Variants in RACGAP1 observed in about 807,000 individuals in gnomAD.
RACGAP1 encodes the protein Rac GTPase activating protein 1.
In RACGAP1, 30 loss-of-function variants were observed where a neutral mutation model predicts 78.1. That is an observed-to-expected ratio of 0.38 (90% CI 0.29 to 0.52). The LOEUF (loss-of-function observed/expected upper bound fraction) is 0.52, where lower values mean the gene tolerates loss of function less well. Ranked by LOEUF, RACGAP1 falls within the 20% of genes least tolerant of loss-of-function variation. The pLI is 0.82. For missense variants in RACGAP1, 587 were observed against 777.1 expected, an observed-to-expected ratio of 0.76 and a Z score of 2.91; for synonymous variants, 231 against 264.8, an observed-to-expected ratio of 0.87 and a Z score of 1.24.
In RACGAP1 at chr12:50,000,099, C is replaced by T. The variant is rs370677273; in HGVS notation, c.631-366G>A. On this transcript the variant is annotated intron_variant, in intron 7 of 16. Coordinates refer to ENST00000312377, the MANE Select transcript of RACGAP1 (RefSeq NM_001319999.2). ...CCCAATATCGGCTGACTGCAAGCTC[C>T]ACCTCCCGGGTTCACGCCATTCTCC... Among the ~76,000 whole-genome samples, 674 of 146,488 alleles carry T rather than the reference C, an allele frequency of 4.6e-3. 52 individuals are homozygous for T. In the South Asian group the frequency reaches 0.14, roughly 30 times the overall value.
upstream of RACGAP1, among the ~76,000 whole-genome samples, chr12:50,027,599 G>A (rs972214945): frequency 5.3e-5 from 8 of 152,076 alleles, no homozygotes; most frequent in East Asian, 1.9e-4. Context: ...AAGCCGAGGC[G>A]GGTGGATCGT....
intron 12 of RACGAP1, among the ~76,000 whole-genome samples, chr12:49,993,486 C>T (rs561691184): frequency 6.6e-6 from 1 of 152,260 alleles, no homozygotes; most frequent in Non-Finnish European, 1.5e-5. Flanking sequence ...TAGGCAGGAG[C>T]TAATAAAAAG....
Position 49,992,342 on chromosome 12 carries a change from G to C in RACGAP1, c.1481C>G (p.Ala494Gly). The C allele has an allele frequency of 6.2e-7, 1 of 1,614,116 alleles. No homozygotes were observed. The highest frequency in any genetic ancestry group is 8.5e-7 in the Non-Finnish European group (1 of 1,179,996). The change falls in exon 14 of 17, where the codon GCC (alanine) becomes GGC (glycine). Residue 494 changes from alanine to glycine, a missense_variant. Physicochemically the swap from Ala to Gly is moderately conservative, Grantham distance 60. Coordinates refer to ENST00000312377, the MANE Select transcript of RACGAP1 (RefSeq NM_001319999.2). ...AGGGCCAAAGACTTTAGCCAGATTGGCAACATCCATTTTAGTATGTGGACT... is the reference window on the plus strand; with the variant it reads ...AGGGCCAAAGACTTTAGCCAGATTGCCAACATCCATTTTAGTATGTGGACT... ...AQSPHTKMDV[A>G]NLAKVFGPTI...
chr12:49,999,820 C>T, intron 7 of RACGAP1, 87 bp from the exon 8 acceptor site: 1 of 1,107,474 alleles, frequency 9.0e-7, no homozygotes, highest in African/African-American at 1.5e-5. Context: ...GTAAAAAATT[C>T]CTTAGTCTTA....
At chr12:49,994,068 A>C in intron 12 of RACGAP1, 63 bp downstream of exon 12, 1 of 1,406,408 alleles carries the variant, frequency 7.1e-7, no homozygotes. Flanking sequence ...TAAAAAAATA[A>C]AGAGAGTAAG....
chr12:50,018,351 C>G (rs1028572049), intron 1 of RACGAP1, among the ~76,000 whole-genome samples: 3 of 152,142 alleles, frequency 2.0e-5, no homozygotes, highest in Admixed American at 2.0e-4. Context: ...TTCCAAGCTA[C>G]ATAATCACAG....
Position 50,006,702 on chromosome 12 carries a change from G to T in RACGAP1, c.86-66C>A, listed in dbSNP as rs1034262628. 2.9e-5 allele frequency: 42 copies of T among 1,457,040 alleles called. No homozygotes were observed. In the South Asian group the frequency reaches 4.3e-4, roughly 15 times the overall value. The allele number at this position is 1,457,040 out of a possible 1,614,324, so 90.3% of individuals were successfully genotyped here. ...AGAGTATAACTGCTCTAATAAATGA[G>T]TCCTACGGTTAGCTTTATTTGAAAT... On this transcript the variant is annotated intron_variant, in intron 2 of 16. Coordinates refer to ENST00000312377, the MANE Select transcript of RACGAP1 (RefSeq NM_001319999.2).
In RACGAP1 at chr12:50,005,356, A is replaced by G. The variant is rs1159967609; in HGVS notation, c.325T>C (p.Cys109Arg). 20 of 1,614,224 alleles carry G rather than the reference A, an allele frequency of 1.2e-5. No individual in the cohort carries two copies. Among genetic ancestry groups the G allele is most frequent in the Non-Finnish European group, 1.5e-5 (18 of 1,180,024 alleles). Residue 109 changes from cysteine (C) to arginine (R), a missense_variant, in exon 4 of 17, where the codon TGT (cysteine) becomes CGT (arginine). Transcript: ENST00000312377. ...AGTTGAATGCTGCCAGATGTGTCAC[A>G]CATGAGCATCTCTCGAATCAGCTGA... Reference protein sequence around the residue: ...QIQLIREMLMCDTSGSIQLSE... With the variant: ...QIQLIREMLMRDTSGSIQLSE...
At chr12:49,996,627 C>CCAAAAAAAAAAAA (rs1948285121) in intron 10 of RACGAP1, among the ~76,000 whole-genome samples, 1 of 6,394 alleles carries the variant, frequency 1.6e-4, no homozygotes, top group African/African-American at 3.6e-4. Context: ...GGCAATAGAG[C>CCAAAAAAAAAAAA]TAAAAAAAAA....
At chr12:49,999,407 AAC>A (rs1339284316) in intron 8 of RACGAP1, 136 bp from the exon 9 acceptor site, 6 of 1,224,342 alleles carry the variant, frequency 4.9e-6, no homozygotes, top group Non-Finnish European at 6.7e-6. Context: ...TATGTAAAAA[AAC>A]AGTTTCAAGA....
intron 1 of RACGAP1, among the ~76,000 whole-genome samples, chr12:50,025,034 A>G (rs1950211286): frequency 6.6e-6 from 1 of 151,858 alleles, no homozygotes; most frequent in South Asian, 2.1e-4. Flanking sequence ...CTCAAACACC[A>G]GGGCTCTTCC....
chr12:50,021,284 G>C (rs1949992895), intron 1 of RACGAP1: 1 of 213,516 alleles, frequency 4.7e-6, no homozygotes, highest in Non-Finnish European at 8.0e-6. Context: ...TTTCGGGAAA[G>C]CTGAAACGAT....
chr12:49,990,694 T>C lies in RACGAP1; in HGVS notation c.1813A>G (p.Asn605Asp). The C allele has an allele frequency of 2.5e-6, 4 of 1,611,398 alleles. No individual in the cohort carries two copies. Among genetic ancestry groups the C allele is most frequent in the Non-Finnish European group, 3.4e-6 (4 of 1,177,556 alleles). Reference sequence around the variant, plus strand: ...GCCAATTCTGCATACCTAGGAGTGTTCTTGGTGAGGGTGGAACGGACTCTC... The same window carrying C: ...GCCAATTCTGCATACCTAGGAGTGTCCTTGGTGAGGGTGGAACGGACTCTC... ...SQRVRSTLTK[N>D]TPRFGSKSKS... The change falls in exon 16 of 17, where the codon AAC (asparagine) becomes GAC (aspartate). Residue 605 changes from asparagine to aspartate, a missense_variant. Asn to Asp is a conservative substitution (Grantham distance 23, BLOSUM62 1). Transcript: ENST00000312377.
intron 3 of RACGAP1, 135 bp downstream of exon 3, chr12:50,006,299 G>A: frequency 1.1e-6 from 1 of 880,272 alleles, no homozygotes; most frequent in Non-Finnish European, 1.8e-6. Context: ...TCATGGGCAA[G>A]CTGTTAAAGA....
intron 1 of RACGAP1, among the ~76,000 whole-genome samples, chr12:50,020,557 G>T (rs140416643): frequency 1.3e-5 from 2 of 152,214 alleles, no homozygotes; most frequent in African/African-American, 4.8e-5. Flanking sequence ...ACCAATAAAT[G>T]TCGAGTTCTC....
intron 12 of RACGAP1, 101 bp downstream of exon 12, chr12:49,994,030 A>C: frequency 8.6e-7 from 1 of 1,167,976 alleles, no homozygotes; most frequent in Non-Finnish European, 1.2e-6. Flanking sequence ...GGCGAGAGTG[A>C]GACTCTGTCT....
rs759025483 is a variant in RACGAP1, at chr12:50,004,239, G to A, written c.491C>T (p.Ser164Leu). ...CAGAGATCAAATGTTTATTACCAGT[G>A]ATTCATCAGTCTTGTCAAAGCTGAT... Reference protein sequence around the residue: ...SDISFDKTDESLDWDSSLVKT... With the variant: ...SDISFDKTDELLDWDSSLVKT... Residue 164 changes from serine to leucine, a missense_variant, in exon 5 of 17, where the codon TCA becomes TTA. Physicochemically the swap from Ser to Leu is moderately radical, Grantham distance 145. Coordinates refer to ENST00000312377, the MANE Select transcript of RACGAP1 (RefSeq NM_001319999.2). The A allele has an allele frequency of 2.2e-5, 35 of 1,603,538 alleles. No individual in the cohort carries two copies. In the East Asian group the frequency reaches 6.9e-4, roughly 32 times the overall value.
At chr12:49,993,959 C>T (rs977769789) in intron 12 of RACGAP1, among the ~76,000 whole-genome samples, 172 bp downstream of exon 12, 2 of 152,074 alleles carry the variant, frequency 1.3e-5, no homozygotes, top group Non-Finnish European at 2.9e-5. Context: ...GCAGGAGAAT[C>T]GCTTCAACCT....
intron 1 of RACGAP1, among the ~76,000 whole-genome samples, chr12:50,020,847 T>A (rs540288747): frequency 1.3e-5 from 2 of 152,340 alleles, no homozygotes; most frequent in African/African-American, 4.8e-5. Flanking sequence ...AGTTATTTTT[T>A]CCTCTAACAT....
Sources: allele counts gnomAD v4.1 joint callset (sites outside exome capture counted in the v4.1 genomes callset), GRCh38; gene constraint gnomAD v4.1.1; transcripts MANE v1.5; gene names NCBI Gene and HGNC (gene_info 2026-07-23, HGNC 2026-07-21).